The following GPM6A variants were observed in gnomAD, a reference collection of about 807,000 sequenced individuals.
The protein encoded by GPM6A is glycoprotein M6A.
A neutral mutation model predicts 32.1 loss-of-function variants in GPM6A; 7 were observed. That is an observed-to-expected ratio of 0.22 (90% CI 0.12 to 0.41). The LOEUF (loss-of-function observed/expected upper bound fraction) is 0.41. GPM6A is among the 10% of genes least tolerant of loss of function. The pLI, the probability that GPM6A is intolerant of heterozygous loss-of-function variation, is 1.00. For synonymous variants in GPM6A, 130 were observed against 123.4 expected (o/e 1.05, Z -0.35); for missense variants, 235 against 347.2 (o/e 0.68, Z 2.57).
chr4:175,698,521 C>T (rs1054970041), intron 2 of GPM6A, among the ~76,000 whole-genome samples: 1 of 152,106 alleles, frequency 6.6e-6, no homozygotes, highest in Non-Finnish European at 1.5e-5. Flanking sequence ...GGCAGCCCTG[C>T]ATAGCGTAAT....
intron 1 of GPM6A, among the ~76,000 whole-genome samples, chr4:175,921,879 G>A (rs547876992): frequency 5.9e-5 from 9 of 152,230 alleles, no homozygotes; most frequent in Middle Eastern, 3.4e-3. Context: ...GCTGGTACAG[G>A]AAGTCTATAT....
chr4:175,738,694 TAAAC>T (rs1299973044), intron 1 of GPM6A, among the ~76,000 whole-genome samples: 18 of 152,166 alleles, frequency 1.2e-4, no homozygotes, highest in Admixed American at 1.2e-3. Context: ...TAAGCTTTGA[TAAAC>T]AAAAGGCAAA....
At chr4:175,795,405 T>A (rs576039552) in intron 1 of GPM6A, among the ~76,000 whole-genome samples, 5 of 152,160 alleles carry the variant, frequency 3.3e-5, no homozygotes, top group East Asian at 1.9e-4. Flanking sequence ...TTGCTTCTAA[T>A]GAATAGAATA....
At chr4:175,860,500 G>T (rs1159718072) in intron 1 of GPM6A, among the ~76,000 whole-genome samples, 2 of 152,002 alleles carry the variant, frequency 1.3e-5, no homozygotes, top group Non-Finnish European at 2.9e-5. Flanking sequence ...CACTCAAGGA[G>T]ACATAGGCAA....
intron 1 of GPM6A, among the ~76,000 whole-genome samples, chr4:175,769,599 G>A (rs1047677703): frequency 6.8e-6 from 1 of 146,762 alleles, no homozygotes; most frequent in Non-Finnish European, 1.5e-5. Context: ...AGGAACCCAG[G>A]GTTGTATGCC....
chr4:175,663,579 A>T (rs548591144), intron 3 of GPM6A, among the ~76,000 whole-genome samples: 17 of 152,340 alleles, frequency 1.1e-4, no homozygotes, highest in African/African-American at 3.8e-4. Flanking sequence ...AATTAGCTTG[A>T]TTTAGCCTTT....
rs182256631 is a variant in GPM6A, at chr4:175,848,145, C to T, written c.-22-35896G>A. Among the ~76,000 whole-genome samples, 360 of 152,288 alleles carry T rather than the reference C, an allele frequency of 2.4e-3. 2 individuals carry two copies. Among genetic ancestry groups the T allele is most frequent in the Non-Finnish European group, 1.8e-3 (124 of 68,010 alleles). On this transcript the variant is annotated intron_variant, in intron 1 of 7. Coordinates refer to the GPM6A transcript ENST00000280187. ...TCCCTTTCTTGACTAGTTGTCAAAA[C>T]ACCAAGGCTATAATCTAGTGACTCT...
At chr4:175,705,289 T>C (rs1366062904) in intron 1 of GPM6A, among the ~76,000 whole-genome samples, 1 of 152,220 alleles carries the variant, frequency 6.6e-6, no homozygotes, top group Non-Finnish European at 1.5e-5. Context: ...CTCAGAATCA[T>C]ATTACCTTTA....
intron 3 of GPM6A, among the ~76,000 whole-genome samples, chr4:175,663,646 T>G (rs1432082441): frequency 2.0e-5 from 3 of 152,160 alleles, no homozygotes; most frequent in Non-Finnish European, 4.4e-5. Context: ...ATATACAACT[T>G]TTACTTGTCA....
chr4:175,777,848 AT>A (rs869301761), intron 1 of GPM6A, among the ~76,000 whole-genome samples: 2 of 152,148 alleles, frequency 1.3e-5, no homozygotes, highest in African/African-American at 4.8e-5. Flanking sequence ...CTAATAAAAA[AT>A]TTTTTTAATC....
At chr4:175,671,476 C>T (rs140621256) in intron 3 of GPM6A, among the ~76,000 whole-genome samples, 2 of 4,134 alleles carry the variant, frequency 4.8e-4, no homozygotes, top group Non-Finnish European at 8.7e-4. Flanking sequence ...TGCCTACAAA[C>T]GAAAAAAAAA....
intron 2 of GPM6A, among the ~76,000 whole-genome samples, chr4:175,675,850 C>T (rs1020366046): frequency 1.3e-5 from 2 of 151,886 alleles, no homozygotes; most frequent in African/African-American, 4.8e-5. Flanking sequence ...CGGGGTTTTG[C>T]CATGCTGCCC....
chr4:175,972,788 A>T (rs1336658348), intron 1 of GPM6A, among the ~76,000 whole-genome samples: 1 of 152,006 alleles, frequency 6.6e-6, no homozygotes, highest in African/African-American at 2.4e-5. Flanking sequence ...TCCTTTCTTG[A>T]TTATGAAGGG....
chr4:175,916,487 T>C (rs1738497573), intron 1 of GPM6A, among the ~76,000 whole-genome samples: 1 of 152,176 alleles, frequency 6.6e-6, no homozygotes. Context: ...GTACCTACTG[T>C]TTCAGAGGGA....
At chr4:175,635,657 T>A (rs1403434737) in intron 6 of GPM6A, among the ~76,000 whole-genome samples, 1 of 152,182 alleles carries the variant, frequency 6.6e-6, no homozygotes. Context: ...AATAGTGCCA[T>A]GTTCAAAAAG....
At chr4:175,999,540 A>G (rs1741411147) in intron 1 of GPM6A, among the ~76,000 whole-genome samples, 1 of 149,590 alleles carries the variant, frequency 6.7e-6, no homozygotes, top group African/African-American at 2.5e-5. Flanking sequence ...TTTTTTTTTT[A>G]CAATCAGCCT....
chr4:175,981,272 C>G (rs2126442471), intron 1 of GPM6A, among the ~76,000 whole-genome samples: 1 of 152,226 alleles, frequency 6.6e-6, no homozygotes, highest in African/African-American at 2.4e-5. Context: ...AGGGATATAA[C>G]TTGTTGCACA....
chr4:175,635,200 A>C, intron 6 of GPM6A, 143 bp from the exon 7 acceptor site: 10 of 655,228 alleles, frequency 1.5e-5, no homozygotes. Flanking sequence ...CTTTGGTAAC[A>C]GAAACAATAT....
chr4:175,852,657 G>A (rs1307070760), intron 1 of GPM6A, among the ~76,000 whole-genome samples: 1 of 152,050 alleles, frequency 6.6e-6, no homozygotes, highest in East Asian at 1.9e-4. Context: ...AAAAACAAAA[G>A]GAATGGGGTT....
Sources: allele counts gnomAD v4.1 joint callset (sites outside exome capture counted in the v4.1 genomes callset), GRCh38; gene constraint gnomAD v4.1.1; transcripts MANE v1.5; gene names NCBI Gene and HGNC (gene_info 2026-07-23, HGNC 2026-07-21).